The following HERC2 variants were observed in gnomAD, a reference collection of about 807,000 sequenced individuals.
HERC2 encodes HECT and RLD domain containing E3 ubiquitin protein ligase 2.
Under a neutral mutation model 537.7 loss-of-function variants are expected in HERC2, and 102 were observed. The observed-to-expected ratio is 0.19, with a 90% confidence interval of 0.16 to 0.22. The LOEUF is 0.22. HERC2 is among the 10% of genes least tolerant of loss of function. The pLI, the probability that HERC2 is intolerant of heterozygous loss-of-function variation, is 1.00. For synonymous variants in HERC2, 2,224 were observed against 2,466.2 expected, an observed-to-expected ratio of 0.90 and a Z score of 2.91; for missense variants, 4,236 against 6,198.2, an observed-to-expected ratio of 0.68 and a Z score of 10.63.
chr15:28,192,754 CA>C (rs1896968413), intron 52 of HERC2, among the ~76,000 whole-genome samples: 1 of 152,126 alleles, frequency 6.6e-6, no homozygotes, highest in Non-Finnish European at 1.5e-5. Context: ...AGGTTCCAAG[CA>C]AAGTCCCTGA....
intron 39 of HERC2, among the ~76,000 whole-genome samples, chr15:28,215,329 T>A (rs112493824): frequency 6.6e-6 from 1 of 152,098 alleles, no homozygotes; most frequent in African/African-American, 2.4e-5. Flanking sequence ...GTGTTTAATT[T>A]AAAAAGAATT....
intron 42 of HERC2, 25 bp downstream of exon 42, chr15:28,213,717 A>C: frequency 6.2e-7 from 1 of 1,611,804 alleles, no homozygotes; most frequent in Non-Finnish European, 8.5e-7. Context: ...CTTATCATGC[A>C]GTAACTAAGC....
In HERC2 at chr15:28,228,268, A is replaced by G; in HGVS notation, c.5414T>C (p.Leu1805Pro). 1 of 1,613,616 alleles carries G rather than the reference A, an allele frequency of 6.2e-7. No homozygotes were observed. Among genetic ancestry groups the G allele is most frequent in the Non-Finnish European group, 8.5e-7 (1 of 1,179,868 alleles). Residue 1805 changes from leucine (L) to proline (P), a missense_variant, in exon 35 of 93, where the codon CTG becomes CCG. Physicochemically the swap from Leu to Pro is moderately conservative, Grantham distance 98. Around this residue, in one of 27 missense-constraint regions of HERC2, gnomAD observed 343 missense variants for 417.2 expected, o/e 0.82. Coordinates refer to ENST00000261609, the MANE Select transcript of HERC2 (RefSeq NM_004667.6). The stretch of plus-strand genomic sequence containing the variant: ...GAGGGCCAGCATGCCGGAATTGAGC[A>G]GAAGGTCGAGGTTGTTTGCGCCGTG... The part of the protein sequence containing the change: ...LQHGANNLDL[L>P]LNSGMLALTQ...
chr15:28,257,129 C>T lies in HERC2; in HGVS notation c.2449G>A (p.Ala817Thr), dbSNP rs759656981. ...RQVSEGMDGS[A>T]DWPPPQEKEC... ...TTCTCCTGGGGCGGGGGCCAGTCCG[C>T]GGAACCATCCATCCCCTCACTCACC... Residue 817 changes from alanine to threonine, a missense_variant, in exon 17 of 93, where the codon GCG (alanine) becomes ACG (threonine). Coordinates refer to ENST00000261609, the MANE Select transcript of HERC2 (RefSeq NM_004667.6). 2.5e-6 allele frequency: 4 copies of T among 1,613,716 alleles called. No individual in the cohort carries two copies. Among genetic ancestry groups the T allele is most frequent in the Non-Finnish European group, 2.5e-6 (3 of 1,179,778 alleles).
rs1567044390 is a variant in HERC2, at chr15:28,229,692, T to G, written c.4965A>C (p.Arg1655Ser). 6.2e-7 allele frequency: 1 copy of G among 1,612,020 alleles called. No individual in the cohort carries two copies. Residue 1655 changes from arginine (R) to serine (S), a missense_variant, in exon 32 of 93, where the codon AGA becomes AGC. Transcript: ENST00000261609. ...KEEPVDVEKM[R>S]KCLLKQLERA... The stretch of plus-strand genomic sequence containing the variant: ...ATGTTACCTGTTTTAGTAGGCACTT[T>G]CTCATTTTTTCCACATCCACTGGCT...
chr15:28,255,524 T>C lies in HERC2; in HGVS notation c.2871+348A>G, dbSNP rs141500764. Among the ~76,000 whole-genome samples the C allele has an allele frequency of 3.9e-3, 601 of 152,258 alleles. 4 individuals carry two copies. The highest frequency in any genetic ancestry group is 0.014 in the African/African-American group (570 of 41,572). Reference sequence around the variant, plus strand: ...AAAGAGTGCATACTATATAGTTATATTGCTGCGACACTCAGAGCAGGAAAA... The same window carrying C: ...AAAGAGTGCATACTATATAGTTATACTGCTGCGACACTCAGAGCAGGAAAA... On this transcript the variant is annotated intron_variant, in intron 19 of 92. Coordinates refer to ENST00000261609, the MANE Select transcript of HERC2 (RefSeq NM_004667.6).
At chr15:28,123,877 T>C (rs1889190885) in intron 85 of HERC2, among the ~76,000 whole-genome samples, 160 bp downstream of exon 85, 1 of 152,224 alleles carries the variant, frequency 6.6e-6, no homozygotes, top group Non-Finnish European at 1.5e-5. Flanking sequence ...CTCATTGATA[T>C]AAAGTACCCA....
rs142744030 is a variant in HERC2 at position 28,189,249 on chromosome 15, C to T, written c.8649+1716G>A. ...CATTTACCTGCAATGCTTCGTATTT[C>T]TCATGTACATGACATACACTAAGTA... On this transcript the variant is annotated intron_variant, in intron 55 of 92. Transcript: ENST00000261609. Among the ~76,000 whole-genome samples the T allele has an allele frequency of 1.5e-3, 232 of 152,274 alleles. 1 individual carries two copies. The highest frequency in any genetic ancestry group is 6.2e-3 in the South Asian group (30 of 4,822).
At chr15:28,119,175 C>T (rs1002186420) in intron 86 of HERC2, among the ~76,000 whole-genome samples, 2 of 151,960 alleles carry the variant, frequency 1.3e-5, no homozygotes, top group African/African-American at 4.8e-5. Context: ...GCGAGTGGAT[C>T]ACCTGCAGTC....
intron 69 of HERC2, among the ~76,000 whole-genome samples, chr15:28,162,610 G>T (rs1596092789): frequency 6.6e-6 from 1 of 152,058 alleles, no homozygotes; most frequent in Admixed American, 6.6e-5. Context: ...AGGTAAAGGG[G>T]CCAGGTTTGG....
At position 28,216,319 on chromosome 15, in the gene HERC2, T is replaced by TC. The variant is rs536743364; in HGVS notation, c.6029-518_6029-517insG. Among the ~76,000 whole-genome samples, 935 of 152,208 alleles carry TC rather than the reference T, an allele frequency of 6.1e-3. 9 individuals carry two copies. Among genetic ancestry groups the TC allele is most frequent in the African/African-American group, 0.022 (908 of 41,466 alleles). On this transcript the variant is annotated intron_variant, in intron 38 of 92. Transcript: ENST00000261609. ...TAATCTGCACCACTTAAATATTTTT[T>TC]TTTTTTGTATTTTTAGTAGAGACAG...
At chr15:28,130,429 C>T in intron 82 of HERC2, 74 bp downstream of exon 82, 4 of 1,580,454 alleles carry the variant, frequency 2.5e-6, no homozygotes, top group South Asian at 1.1e-5. Flanking sequence ...ACATTCCCAT[C>T]CATGAAAAGG....
Position 28,265,407 on chromosome 15 carries a change from G to A in HERC2, c.1870+211C>T, listed in dbSNP as rs2075534845. The stretch of plus-strand genomic sequence containing the variant: ...CTTAAAAAATAAAATGCCCACACAG[G>A]AACGGCGGCAGCTGCTAACCAGCTG... On this transcript the variant is annotated intron_variant, in intron 14 of 92. Coordinates refer to ENST00000261609, the MANE Select transcript of HERC2 (RefSeq NM_004667.6). The surrounding 1 kb of genome is among the most constrained non-coding windows in gnomAD (Gnocchi z 4.0). Among the ~76,000 whole-genome samples the A allele has an allele frequency of 6.6e-6, 1 of 152,116 alleles. No individual in the cohort carries two copies. The highest frequency in any genetic ancestry group is 1.5e-5 in the Non-Finnish European group (1 of 68,022).
In HERC2 at chr15:28,114,888, G is replaced by A. The variant is rs555433226; in HGVS notation, c.13723-86C>T. 5.2e-6 allele frequency: 6 copies of A among 1,150,744 alleles called. No homozygotes were observed. In the African/African-American group the frequency reaches 9.2e-5, roughly 18 times the overall value. The allele number at this position is 1,150,744 out of a possible 1,614,324, so 71.3% of individuals were successfully genotyped here. ...CAGTCCACCCAGCACACTCTGTCAAGCAGGAACCAGGGTCAGCCTCAAGTG... is the reference window on the plus strand; with the variant it reads ...CAGTCCACCCAGCACACTCTGTCAAACAGGAACCAGGGTCAGCCTCAAGTG... On this transcript the variant is annotated intron_variant, in intron 89 of 92. Transcript: ENST00000261609.
rs1442434892 is a variant in HERC2, at chr15:28,272,929, G to T, written c.876C>A (p.Ile292=). ...CTCTCTGCACAGCCAGCTCCAGCAG[G>T]ATGGCCAGGGCCAAGTGCTGGTCCT... is the stretch of plus-strand genomic sequence containing the variant. ...PLQDQHLALA[I]LLELAVQRGT... is the part of the protein sequence containing the mutation. Residue 292 remains isoleucine (I), a synonymous_variant, in exon 8 of 93, where the codon ATC becomes ATA. Coordinates refer to ENST00000261609, the MANE Select transcript of HERC2 (RefSeq NM_004667.6). The T allele has an allele frequency of 2.5e-6, 4 of 1,612,048 alleles. No homozygotes were observed. The highest frequency in any genetic ancestry group is 3.4e-6 in the Non-Finnish European group (4 of 1,179,986).
intron 25 of HERC2, among the ~76,000 whole-genome samples, chr15:28,237,711 T>C (rs1902610505): frequency 6.6e-6 from 1 of 152,222 alleles, no homozygotes; most frequent in South Asian, 2.1e-4. Context: ...AATCCCAATA[T>C]ATAAATTCTA....
In HERC2 at chr15:28,321,232, A is replaced by G. The variant is rs1386425667; in HGVS notation, c.72+130T>C. 4.7e-6 allele frequency: 3 copies of G among 644,972 alleles called. No homozygotes were observed. The African/African-American group carries it at 5.5e-5, about 12-fold the overall frequency. The allele number at this position is 644,972 out of a possible 1,614,324, so 40.0% of individuals were successfully genotyped here. On this transcript the variant is annotated intron_variant, in intron 2 of 92. Coordinates refer to ENST00000261609, the MANE Select transcript of HERC2 (RefSeq NM_004667.6). ...GACTGTTACATTTTAAGTTACAGGA[A>G]ATAAACCTGCTCCTCTAATTCAGCA...
intron 68 of HERC2, among the ~76,000 whole-genome samples, chr15:28,164,826 A>G (rs1893965648): frequency 6.6e-6 from 1 of 152,226 alleles, no homozygotes; most frequent in African/African-American, 2.4e-5. Context: ...TCCTCAGAAT[A>G]AGTTCTGCAT....
chr15:28,307,876 T>C (rs1282298292), intron 2 of HERC2, among the ~76,000 whole-genome samples: 1 of 152,144 alleles, frequency 6.6e-6, no homozygotes, highest in Non-Finnish European at 1.5e-5. Context: ...TGTGCGGATT[T>C]GTTTCTGGAT....
Sources: allele counts gnomAD v4.1 joint callset (sites outside exome capture counted in the v4.1 genomes callset), GRCh38; gene constraint gnomAD v4.1.1; regional missense constraint gnomAD v4.1.1; non-coding constraint Gnocchi (gnomAD v3.1); transcripts MANE v1.5; gene names NCBI Gene and HGNC (gene_info 2026-07-23, HGNC 2026-07-21).